NRDC: variants seen among roughly 807,000 people sequenced by gnomAD.
NRDC encodes the protein nardilysin.
NRDC carries 54 observed loss-of-function variants against 147.1 expected under a neutral mutation model. The observed-to-expected ratio is 0.37, with a 90% CI of 0.29 to 0.46. The LOEUF (loss-of-function observed/expected upper bound fraction) is 0.46, where lower values mean the gene tolerates loss of function less well. Ranked by LOEUF, NRDC falls within the 20% of genes least tolerant of loss-of-function variation. The pLI is 1.00. For missense variants in NRDC, 1,082 were observed against 1,370.6 expected (o/e 0.79, Z 3.33); for synonymous variants, 440 against 482.1 (o/e 0.91, Z 1.14).
intron 1 of NRDC, among the ~76,000 whole-genome samples, chr1:51,843,073 A>AG (rs952333942): frequency 6.6e-6 from 1 of 151,240 alleles, no homozygotes; most frequent in African/African-American, 2.4e-5. Context: ...CAAAAAAAAA[A>AG]AAAAAAAAAA....
rs575365678 is a variant in NRDC, at chr1:51,847,137, C to T, written c.342-6623G>A. On this transcript the variant is annotated intron_variant, in intron 1 of 30. Transcript: ENST00000352171. ...GATTGGTGCATTTACAAACCTTGAG[C>T]TAGACACAGAGTGCTGATTGGTGAA... Among the ~76,000 whole-genome samples the T allele has an allele frequency of 5.3e-5, 8 of 152,290 alleles. No homozygotes were observed. In the East Asian group the frequency reaches 1.5e-3, roughly 29 times the overall value.
At chr1:51,878,180 G>A (rs1452036944) in intron 1 of NRDC, 95 bp downstream of exon 1, 2 of 1,457,266 alleles carry the variant, frequency 1.4e-6, no homozygotes, top group African/African-American at 2.8e-5. Context: ...GTGCCCTGTT[G>A]CTCCATTGGG....
At chr1:51,805,305 G>A (rs1679412411) in intron 19 of NRDC, among the ~76,000 whole-genome samples, 1 of 152,162 alleles carries the variant, frequency 6.6e-6, no homozygotes, top group African/African-American at 2.4e-5. Flanking sequence ...TTTTACCAAT[G>A]GGTGCTGGTA....
At chr1:51,833,975 C>T in intron 4 of NRDC, 42 bp downstream of exon 4, 1 of 1,545,128 alleles carries the variant, frequency 6.5e-7, no homozygotes, top group Non-Finnish European at 8.9e-7. Context: ...TTGCAAAGTG[C>T]CATTAGATCA....
intron 1 of NRDC, among the ~76,000 whole-genome samples, chr1:51,866,876 G>C (rs1402965167): frequency 2.0e-5 from 3 of 152,168 alleles, no homozygotes; most frequent in Non-Finnish European, 4.4e-5. Flanking sequence ...ACTGAAAAAA[G>C]AAGGCAGAGA....
At chr1:51,795,355 G>C (rs1678848950) in intron 22 of NRDC, 2 of 497,742 alleles carry the variant, frequency 4.0e-6, no homozygotes, top group Non-Finnish European at 6.3e-6. Context: ...GGAAATTCAT[G>C]GTACTAAGGA....
At chr1:51,804,770 A>T (rs1167126749) in intron 19 of NRDC, among the ~76,000 whole-genome samples, 4 of 151,906 alleles carry the variant, frequency 2.6e-5, no homozygotes, top group African/African-American at 9.7e-5. Context: ...CTAAGTTCAG[A>T]TACATTTCCC....
chr1:51,842,231 GTT>G (rs1288672336), intron 1 of NRDC, among the ~76,000 whole-genome samples: 4 of 141,032 alleles, frequency 2.8e-5, no homozygotes, highest in African/African-American at 5.1e-5. Flanking sequence ...AAAATGTTTG[GTT>G]TTTTTTTTTT....
chr1:51,805,964 C>CA (rs1037195105), intron 18 of NRDC, among the ~76,000 whole-genome samples: 3 of 151,886 alleles, frequency 2.0e-5, no homozygotes, highest in Admixed American at 1.3e-4. Context: ...ATAAGCTATT[C>CA]AAAAAAAATT....
chr1:51,790,764 A>G, intron 28 of NRDC, 115 bp from the exon 29 acceptor site: 1 of 968,846 alleles, frequency 1.0e-6, no homozygotes, highest in Non-Finnish European at 1.6e-6. Flanking sequence ...AGAGGCACGG[A>G]TGAAGCTAGG....
In NRDC at chr1:51,836,210, A is replaced by G; in HGVS notation, c.633T>C (p.Ser211=). ...EARKKTTEKQ[S]AAALCVGVGS... is the part of the protein sequence containing the mutation. Reference sequence around the variant, plus strand: ...CAACTCCAACACAAAGAGCCGCTGCAGACTGGAGTAATTAGAACACATACA... The same window carrying G: ...CAACTCCAACACAAAGAGCCGCTGCGGACTGGAGTAATTAGAACACATACA... The change falls in exon 3 of 31, where the codon TCT becomes TCC. Residue 211 remains serine, a splice_region_variant and synonymous_variant. Coordinates refer to ENST00000352171, the MANE Select transcript of NRDC (RefSeq NM_001101662.2). 1.2e-6 allele frequency: 2 copies of G among 1,614,088 alleles called. No homozygotes were observed. Among genetic ancestry groups the G allele is most frequent in the East Asian group, 4.5e-5 (2 of 44,872 alleles).
intron 2 of NRDC, among the ~76,000 whole-genome samples, chr1:51,837,099 A>G (rs1681021641): frequency 6.6e-6 from 1 of 152,164 alleles, no homozygotes; most frequent in Non-Finnish European, 1.5e-5. Flanking sequence ...GCATAATTAC[A>G]GTAAGTTAAA....
intron 7 of NRDC, among the ~76,000 whole-genome samples, chr1:51,822,837 G>C (rs1680267907): frequency 6.6e-6 from 1 of 152,164 alleles, no homozygotes; most frequent in Non-Finnish European, 1.5e-5. Flanking sequence ...AACTCATTTT[G>C]ATCATAAATG....
chr1:51,847,362 C>A (rs975702966), intron 1 of NRDC, among the ~76,000 whole-genome samples: 8 of 152,270 alleles, frequency 5.3e-5, no homozygotes, highest in Non-Finnish European at 1.0e-4. Context: ...GCCTGCCAAT[C>A]CCCTGCCTTG....
chr1:51,839,819 C>T lies in NRDC; in HGVS notation c.630+407G>A, dbSNP rs115361054. Among the ~76,000 whole-genome samples, 397 of 152,264 alleles carry T rather than the reference C, an allele frequency of 2.6e-3. 2 individuals carry two copies. The highest frequency in any genetic ancestry group is 9.2e-3 in the African/African-American group (384 of 41,546). ...GATTTCACACTAGCCCCATTCTTTT[C>T]TTCTTCTTTTTCCAGTCTCACCAAG... On this transcript the variant is annotated intron_variant, in intron 2 of 30. Coordinates refer to ENST00000352171, the MANE Select transcript of NRDC (RefSeq NM_001101662.2).
At chr1:51,842,679 CATA>C (rs958627898) in intron 1 of NRDC, among the ~76,000 whole-genome samples, 56 of 152,270 alleles carry the variant, frequency 3.7e-4, no homozygotes, top group African/African-American at 1.3e-3. Context: ...GTACCATTCA[CATA>C]ATGCCAAAAA....
chr1:51,803,934 G>C lies in NRDC; in HGVS notation c.2193C>G (p.Ile731Met), dbSNP rs1185437708. The change falls in exon 20 of 31, where the codon ATC (isoleucine) becomes ATG (methionine). Residue 731 changes from isoleucine to methionine, a missense_variant. Coordinates refer to ENST00000352171, the MANE Select transcript of NRDC (RefSeq NM_001101662.2). Reference sequence around the variant, plus strand: ...CTGGTTCCGCAAGGTTATGCGTAAGGATATTGACAAAGATATCAAAGAGGA... The same window carrying C: ...CTGGTTCCGCAAGGTTATGCGTAAGCATATTGACAAAGATATCAAAGAGGA... The part of the protein sequence containing the change: ...NVVLFDIFVN[I>M]LTHNLAEPAY... The C allele has an allele frequency of 6.2e-7, 1 of 1,609,850 alleles. No individual in the cohort carries two copies. Among genetic ancestry groups the C allele is most frequent in the Non-Finnish European group, 8.5e-7 (1 of 1,178,072 alleles).
intron 1 of NRDC, chr1:51,878,028 G>A: frequency 7.4e-7 from 1 of 1,342,348 alleles, no homozygotes; most frequent in Non-Finnish European, 9.6e-7. Flanking sequence ...TTGCTTTAGC[G>A]ACTGTATTCA....
At chr1:51,846,728 G>C (rs566174909) in intron 1 of NRDC, among the ~76,000 whole-genome samples, 16 of 152,360 alleles carry the variant, frequency 1.1e-4, no homozygotes, top group African/African-American at 2.9e-4. Flanking sequence ...GATGGAACTC[G>C]ACCCAAGTGG....
Sources: gnomAD v4.1 joint callset for allele counts (sites outside exome capture counted in the v4.1 genomes callset) on GRCh38, gnomAD v4.1.1 for gene constraint, MANE v1.5 for transcripts, NCBI Gene and HGNC (gene_info 2026-07-23, HGNC 2026-07-21) for gene names.